Variants in RIC1 observed in about 807,000 individuals in gnomAD.
RIC1 encodes the protein guanine nucleotide exchange factor subunit RIC1.
A neutral mutation model predicts 169.0 loss-of-function variants in RIC1; 88 were observed. That is an observed-to-expected ratio of 0.52 (90% confidence interval 0.44 to 0.62). RIC1 has a LOEUF of 0.62. RIC1 is among the 20% of genes least tolerant of loss of function. The probability of loss-of-function intolerance (pLI) is 0.00; values close to 1 mark genes in which losing one functional copy is unlikely to be tolerated. For missense variants in RIC1, 1,877 were observed against 1,725.5 expected (o/e 1.09, Z -1.56); for synonymous variants, 790 against 601.5 (o/e 1.31, Z -4.59).
Position 5,765,809 on chromosome 9 carries a change from A to G in RIC1, c.3137+11A>G. ...TCCCTCTGGAAAAAGGTAAAATAAT[A>G]AAGAGCCATTACTGCTTTTTGGGCA... On this transcript the variant is annotated intron_variant, in intron 21 of 25. Coordinates refer to ENST00000414202, the MANE Select transcript of RIC1 (RefSeq NM_020829.4). 6.2e-7 allele frequency: 1 copy of G among 1,613,856 alleles called. No individual in the cohort carries two copies. The highest frequency in any genetic ancestry group is 8.5e-7 in the Non-Finnish European group (1 of 1,179,870).
intron 17 of RIC1, among the ~76,000 whole-genome samples, chr9:5,761,247 G>A (rs1826319611): frequency 6.6e-6 from 1 of 151,414 alleles, no homozygotes; most frequent in Non-Finnish European, 1.5e-5. Flanking sequence ...CCAAGTAGCT[G>A]GGATTACAGG....
downstream of RIC1, among the ~76,000 whole-genome samples, chr9:5,778,193 T>TA (rs573096113): frequency 1.3e-3 from 201 of 152,144 alleles, no homozygotes; most frequent in African/African-American, 3.9e-3. Context: ...ATTGCTACTG[T>TA]AAAAAAAATG....
chr9:5,744,664 A>G (rs1018650236), intron 10 of RIC1, among the ~76,000 whole-genome samples: 3 of 151,454 alleles, frequency 2.0e-5, no homozygotes, highest in Admixed American at 6.6e-5. Context: ...AGCTCATCAC[A>G]TGAAGTCAGG....
At chr9:5,746,117 CTT>C (rs767034984) in intron 11 of RIC1, 34 bp downstream of exon 11, 15 of 1,563,018 alleles carry the variant, frequency 9.6e-6, no homozygotes, top group African/African-American at 1.3e-5. Flanking sequence ...TTTTTAGTGT[CTT>C]TTGTGTTAGA....
intron 2 of RIC1, among the ~76,000 whole-genome samples, chr9:5,662,323 A>G (rs1450290417): frequency 6.6e-6 from 1 of 152,136 alleles, no homozygotes; most frequent in Non-Finnish European, 1.5e-5. Flanking sequence ...AGGTTTTGGT[A>G]TCAAGATGAT....
chr9:5,644,110 C>G (rs543547990), intron 1 of RIC1, among the ~76,000 whole-genome samples: 4 of 152,234 alleles, frequency 2.6e-5, no homozygotes, highest in South Asian at 4.1e-4. Context: ...AAAAATACAT[C>G]TAAGTGTACA....
chr9:5,704,596 A>T (rs1283800794), intron 3 of RIC1, among the ~76,000 whole-genome samples: 1 of 152,100 alleles, frequency 6.6e-6, no homozygotes. Context: ...TTTAAGATAC[A>T]TGATTTTCAT....
rs989068132 is a variant in RIC1 at position 5,743,681 on chromosome 9, T to C, written c.1047-8T>C. 2 of 1,599,140 alleles carry C rather than the reference T, an allele frequency of 1.3e-6. No homozygotes were observed. Among genetic ancestry groups the C allele is most frequent in the Non-Finnish European group, 1.7e-6 (2 of 1,168,254 alleles). On this transcript the variant is annotated splice_region_variant and splice_polypyrimidine_tract_variant and intron_variant, in intron 9 of 25. Coordinates refer to ENST00000414202, the MANE Select transcript of RIC1 (RefSeq NM_020829.4). ...GCTGTATTATATTTAGTTTCTGTTC[T>C]GTTTCAGTTATAGGTCTGATGGCAC...
At chr9:5,666,763 G>A (rs1563881983) in intron 2 of RIC1, among the ~76,000 whole-genome samples, 1 of 151,764 alleles carries the variant, frequency 6.6e-6, no homozygotes, top group Non-Finnish European at 1.5e-5. Context: ...TATTTGCTGA[G>A]GACTTTTGCA....
intron 6 of RIC1, among the ~76,000 whole-genome samples, chr9:5,721,977 C>T (rs1823619882): frequency 6.6e-6 from 1 of 151,880 alleles, no homozygotes; most frequent in African/African-American, 2.4e-5. Flanking sequence ...CAACCTCCGC[C>T]TCTCGGGTTC....
intron 6 of RIC1, among the ~76,000 whole-genome samples, chr9:5,728,003 G>A (rs1824107258): frequency 1.3e-5 from 2 of 152,196 alleles, no homozygotes; most frequent in Admixed American, 1.3e-4. Flanking sequence ...GGACCCACTT[G>A]AGGAGGCAGT....
intron 12 of RIC1, chr9:5,748,439 AAAAG>A (rs1212787788): frequency 2.0e-5 from 3 of 152,630 alleles, no homozygotes; most frequent in African/African-American, 7.2e-5. Flanking sequence ...GGTATACACT[AAAAG>A]AAAATGAACT....
At chr9:5,751,362 C>A (rs1419729421) in intron 12 of RIC1, among the ~76,000 whole-genome samples, 1 of 151,672 alleles carries the variant, frequency 6.6e-6, no homozygotes, top group Non-Finnish European at 1.5e-5. Flanking sequence ...TTTTGGGGGT[C>A]TGGGGGGCAG....
intron 7 of RIC1, among the ~76,000 whole-genome samples, chr9:5,733,867 A>G (rs1460363706): frequency 1.3e-5 from 2 of 151,640 alleles, no homozygotes; most frequent in Admixed American, 1.3e-4. Context: ...GCTGTCTCAT[A>G]AAGCAAGTTA....
intron 2 of RIC1, among the ~76,000 whole-genome samples, chr9:5,673,557 T>TATATATATATATATATAA (rs1554663254): frequency 2.1e-5 from 3 of 142,640 alleles, no homozygotes; most frequent in African/African-American, 8.1e-5. Flanking sequence ...TATATATATA[T>TATATATATATATATATAA]AAATAAATGT....
chr9:5,686,590 A>G (rs1274367369), intron 2 of RIC1, among the ~76,000 whole-genome samples: 3 of 134,860 alleles, frequency 2.2e-5, no homozygotes, highest in Non-Finnish European at 4.6e-5. Flanking sequence ...GATCACAGGG[A>G]GACATGAAGG....
At chr9:5,675,897 T>C (rs950268086) in intron 2 of RIC1, among the ~76,000 whole-genome samples, 2 of 152,252 alleles carry the variant, frequency 1.3e-5, no homozygotes, top group East Asian at 1.9e-4. Flanking sequence ...TGGTAAATTA[T>C]TGATCTTGAA....
chr9:5,756,120 A>AAAT, intron 15 of RIC1, 92 bp from the exon 16 acceptor site: 1 of 666,034 alleles, frequency 1.5e-6, no homozygotes, highest in Non-Finnish European at 2.2e-6. Flanking sequence ...AAAAAAAAAA[A>AAAT]GTCGGAAGTT....
intron 3 of RIC1, among the ~76,000 whole-genome samples, chr9:5,702,109 G>A (rs1220074008): frequency 1.3e-5 from 2 of 152,090 alleles, no homozygotes; most frequent in African/African-American, 2.4e-5. Context: ...GTTTATTAAG[G>A]GGACAAAAGC....
Sources: allele counts gnomAD v4.1 joint callset (sites outside exome capture counted in the v4.1 genomes callset), GRCh38; gene constraint gnomAD v4.1.1; transcripts MANE v1.5; gene names NCBI Gene and HGNC (gene_info 2026-07-23, HGNC 2026-07-21).